NAPSA: variants seen among roughly 807,000 people sequenced by gnomAD.
NAPSA encodes the protein napsin A aspartic peptidase, also known as napsin-A.
In NAPSA, 37 loss-of-function variants were observed where a neutral mutation model predicts 36.7. That is an observed-to-expected ratio of 1.01 (90% CI 0.78 to 1.33). NAPSA has a LOEUF of 1.33. Among genes scored for constraint, NAPSA ranks in the 40% most tolerant of loss-of-function variants. The pLI is 0.00. For synonymous variants in NAPSA, 222 were observed against 234.5 expected, an observed-to-expected ratio of 0.95 and a Z score of 0.49; for missense variants, 532 against 543.8, an observed-to-expected ratio of 0.98 and a Z score of 0.21.
intron 1 of NAPSA, among the ~76,000 whole-genome samples, chr19:50,364,697 T>C (rs2037521806): frequency 6.6e-6 from 1 of 150,632 alleles, no homozygotes; most frequent in South Asian, 2.1e-4. Context: ...ATCTGGGACT[T>C]AAAAGGGCTC....
At position 50,365,623 on chromosome 19, in the gene NAPSA, G is replaced by A. The variant is rs2037539962; in HGVS notation, c.-2C>T. On this transcript the variant is annotated 5_prime_UTR_variant, in exon 1 of 9. Transcript: ENST00000253719. ...TTGCAGCAGCGGTGGTGGAGACATC[G>A]CTGGGGACCTGGGTGTGAACCCAGG... 2.5e-6 allele frequency: 4 copies of A among 1,605,980 alleles called. No homozygotes were observed. The highest frequency in any genetic ancestry group is 2.2e-5 in the East Asian group (1 of 44,702).
chr19:50,364,029 A>T (rs1452685440), intron 1 of NAPSA, among the ~76,000 whole-genome samples: 1 of 152,102 alleles, frequency 6.6e-6, no homozygotes, highest in Non-Finnish European at 1.5e-5. Flanking sequence ...CCTCTCAAAA[A>T]CATGTCCTGG....
At position 50,358,745 on chromosome 19, in the gene NAPSA, A is replaced by G. The variant is rs933187457; in HGVS notation, c.1071T>C (p.Gly357=). The part of the protein sequence containing the change: ...TRNGVRLCLS[G]FQALDVPPPA... ...GCGGAGGGACATCCAGGGCCTGGAAACCGGACAAGCAGAGGCGGACGCCAT... is the reference window on the plus strand; with the variant it reads ...GCGGAGGGACATCCAGGGCCTGGAAGCCGGACAAGCAGAGGCGGACGCCAT... The change falls in exon 9 of 9, where the codon GGT becomes GGC. Residue 357 remains glycine (G), a synonymous_variant. Coordinates refer to ENST00000253719, the MANE Select transcript of NAPSA (RefSeq NM_004851.3). The G allele has an allele frequency of 5.0e-6, 8 of 1,613,336 alleles. No homozygotes were observed. Among genetic ancestry groups the G allele is most frequent in the Non-Finnish European group, 5.9e-6 (7 of 1,179,930 alleles).
Position 50,362,506 on chromosome 19 carries a change from CTT to C in NAPSA, c.84-195_84-194del. ...CCATGATGACAAATATCCCCAAAGA[CTT>C]TACAAGAGCAAACCATCCCAAACAG... On this transcript the variant is annotated intron_variant, in intron 1 of 8. Transcript: ENST00000253719. 7.9e-6 allele frequency: 4 copies of C among 504,034 alleles called. No individual in the cohort carries two copies. In the South Asian group the frequency reaches 1.4e-4, roughly 17 times the overall value. The allele number at this position is 504,034 out of a possible 1,614,324, so 31.2% of individuals were successfully genotyped here.
Position 50,361,036 on chromosome 19 carries a change from A to G in NAPSA, c.573T>C (p.Phe191=). The G allele has an allele frequency of 6.8e-6, 11 of 1,614,208 alleles. No individual in the cohort carries two copies. The highest frequency in any genetic ancestry group is 8.5e-6 in the Non-Finnish European group (10 of 1,180,038). Residue 191 remains phenylalanine, a synonymous_variant, in exon 5 of 9, where the codon TTT becomes TTC. Transcript: ENST00000253719. ...AHFDGILGLG[F]PILSVEGVRP... is the part of the protein sequence containing the mutation. ...GAACTCCTTCCACAGACAGAATGGG[A>G]AAACCGAGGCCCAATATCCCATCAA... is the stretch of plus-strand genomic sequence containing the variant.
At chr19:50,368,650 G>T (rs536226028), upstream of NAPSA, among the ~76,000 whole-genome samples, 2 of 152,038 alleles carry the variant, frequency 1.3e-5, no homozygotes, top group African/African-American at 4.8e-5. Flanking sequence ...CCTTCAACTC[G>T]CCCCGCACGC....
intron 3 of NAPSA, 34 bp from the exon 4 acceptor site, chr19:50,361,815 G>A (rs1213513978): frequency 6.2e-7 from 1 of 1,603,750 alleles, no homozygotes; most frequent in Non-Finnish European, 8.5e-7. Context: ...TCATGGGGGA[G>A]GGAATCTCCC....
chr19:50,365,403 T>C, intron 1 of NAPSA, 136 bp downstream of exon 1: 1 of 761,830 alleles, frequency 1.3e-6, no homozygotes, highest in Non-Finnish European at 2.2e-6. Context: ...GGTTTAGAGA[T>C]CTGGAAAGCT....
At chr19:50,360,824 G>T (rs953632335) in intron 5 of NAPSA, 117 bp downstream of exon 5, 17 of 1,007,076 alleles carry the variant, frequency 1.7e-5, no homozygotes, top group Non-Finnish European at 2.3e-5. Flanking sequence ...TGAATGGACA[G>T]TGTAAGTGGG....
chr19:50,367,876 G>A (rs931153023), upstream of NAPSA, among the ~76,000 whole-genome samples: 4 of 152,114 alleles, frequency 2.6e-5, no homozygotes, highest in Non-Finnish European at 4.4e-5. Flanking sequence ...CTTAGAAATC[G>A]GCTGGATGCG....
upstream of NAPSA, among the ~76,000 whole-genome samples, chr19:50,368,928 C>T (rs2037582161): frequency 6.6e-6 from 1 of 152,236 alleles, no homozygotes; most frequent in Non-Finnish European, 1.5e-5. Flanking sequence ...GCAGAACAGG[C>T]TTCCTCCCTG....
At chr19:50,367,210 A>C (rs2037559306), upstream of NAPSA, among the ~76,000 whole-genome samples, 3 of 152,180 alleles carry the variant, frequency 2.0e-5, no homozygotes, top group African/African-American at 7.2e-5. Flanking sequence ...ACCTCAGGTG[A>C]TCTTCCTGCT....
chr19:50,366,728 T>C (rs2037553775), upstream of NAPSA, among the ~76,000 whole-genome samples: 1 of 151,936 alleles, frequency 6.6e-6, no homozygotes. Flanking sequence ...TGCAGTGCAA[T>C]GGTGTGATCT....
chr19:50,359,221 C>A, intron 7 of NAPSA, 112 bp from the exon 8 acceptor site: 1 of 994,536 alleles, frequency 1.0e-6, no homozygotes, highest in Non-Finnish European at 1.5e-6. Context: ...GGGTACTCAG[C>A]GTCCTGTGTG....
chr19:50,368,208 G>A (rs145586404), upstream of NAPSA, among the ~76,000 whole-genome samples: 1,021 of 151,828 alleles, frequency 6.7e-3, 7 homozygotes, highest in Non-Finnish European at 0.01. Flanking sequence ...GGTGCGGTGG[G>A]GGTGCGTTTG....
upstream of NAPSA, among the ~76,000 whole-genome samples, chr19:50,367,549 CCTCT>C (rs779681679): frequency 0.036 from 4,819 of 132,914 alleles, 260 homozygotes; most frequent in African/African-American, 0.11. Context: ...TCTCTCTCTC[CCTCT>C]CTCTCTCTCT....
At position 50,361,774 on chromosome 19, in the gene NAPSA, G is replaced by A. The variant is rs2037476908; in HGVS notation, c.357C>T (p.His119=). ...CHFFSVPCWL[H]HRFDPKASSS... ...TAGAGGCTTTGGGATCAAATCGGTGGTGTAACCCTAGGTTAGAGGTCAGAA... is the reference window on the plus strand; with the variant it reads ...TAGAGGCTTTGGGATCAAATCGGTGATGTAACCCTAGGTTAGAGGTCAGAA... Residue 119 remains histidine (H), a synonymous_variant, in exon 4 of 9, where the codon CAC becomes CAT. Transcript: ENST00000253719. 2 of 1,613,934 alleles carry A rather than the reference G, an allele frequency of 1.2e-6. No homozygotes were observed. Among genetic ancestry groups the A allele is most frequent in the Non-Finnish European group, 1.7e-6 (2 of 1,179,964 alleles).
upstream of NAPSA, among the ~76,000 whole-genome samples, chr19:50,366,642 A>ATGAG (rs1192659455): frequency 2.0e-5 from 3 of 146,640 alleles, no homozygotes; most frequent in South Asian, 2.1e-4. Context: ...CTGGGCATTG[A>ATGAG]TGAGTTATTT....
chr19:50,365,211 G>C (rs1469640118), intron 1 of NAPSA, among the ~76,000 whole-genome samples: 1 of 151,366 alleles, frequency 6.6e-6, no homozygotes, highest in East Asian at 1.9e-4. Flanking sequence ...GCGCGAGCCT[G>C]TAATCCCAGC....
Sources: allele counts gnomAD v4.1 joint callset (sites outside exome capture counted in the v4.1 genomes callset), GRCh38; gene constraint gnomAD v4.1.1; transcripts MANE v1.5; gene names NCBI Gene and HGNC (gene_info 2026-07-23, HGNC 2026-07-21).